Variants in CASK observed in about 807,000 individuals in gnomAD.
CASK encodes peripheral plasma membrane protein CASK.
CASK carries 4 observed loss-of-function variants against 82.9 expected under a neutral mutation model. The observed-to-expected ratio is 0.05, with a 90% confidence interval of 0.02 to 0.11. CASK has a LOEUF of 0.11. CASK is among the 10% of genes least tolerant of loss of function. CASK has a pLI of 1.00. For missense variants in CASK, 358 were observed against 720.9 expected, an observed-to-expected ratio of 0.50 and a Z score of 5.76; for synonymous variants, 259 against 253.5, an observed-to-expected ratio of 1.02 and a Z score of -0.20.
chrX:41,612,723 C>T (rs2066105254), intron 11 of CASK, among the ~76,000 whole-genome samples: 1 of 91,788 alleles, frequency 1.1e-5, no homozygotes, highest in African/African-American at 4.0e-5. Context: ...GCTCCCCGCC[C>T]GGCCAGCCAC....
intron 2 of CASK, among the ~76,000 whole-genome samples, chrX:41,824,600 C>T (rs764864598): frequency 5.4e-5 from 6 of 111,916 alleles, no homozygotes; most frequent in African/African-American, 1.3e-4. Context: ...TACAGCAGAG[C>T]GCTGCTGGCA....
At chrX:41,699,214 C>T (rs893486286) in intron 5 of CASK, among the ~76,000 whole-genome samples, 4 of 111,487 alleles carry the variant, frequency 3.6e-5, no homozygotes, top group Admixed American at 9.6e-5. Flanking sequence ...CATGAGCCAC[C>T]GCGCCCGGCC....
intron 21 of CASK, 85 bp downstream of exon 21, chrX:41,553,634 C>A: frequency 1.4e-6 from 1 of 733,982 alleles, no homozygotes; most frequent in South Asian, 2.3e-5. Flanking sequence ...AGGTTTTACA[C>A]TCTAAAATAA....
intron 2 of CASK, among the ~76,000 whole-genome samples, chrX:41,814,642 A>G (rs944235638): frequency 2.8e-5 from 3 of 108,693 alleles, no homozygotes; most frequent in Non-Finnish European, 5.7e-5. Context: ...CCTAATGTAA[A>G]TGACGAGTTA....
chrX:41,711,294 G>C (rs2067973889), intron 5 of CASK, among the ~76,000 whole-genome samples: 1 of 112,067 alleles, frequency 8.9e-6, no homozygotes, highest in East Asian at 2.8e-4. Context: ...GTTGGTTGGG[G>C]AGAAATCCCC....
rs191813828 is a variant in CASK, at chrX:41,854,125, A to G, written c.60-898T>C. Reference sequence around the variant, plus strand: ...TTTCTATGAGCACAGCCACTGGTCTAGCTATTTGCTGACCCAGACCTCACA... The same window carrying G: ...TTTCTATGAGCACAGCCACTGGTCTGGCTATTTGCTGACCCAGACCTCACA... On this transcript the variant is annotated intron_variant, in intron 1 of 26. Transcript: ENST00000378163. 8.1e-5 allele frequency among the ~76,000 whole-genome samples: 9 copies of G among 110,978 alleles called. No individual in the cohort carries two copies. In the East Asian group the frequency reaches 2.5e-3, roughly 31 times the overall value.
Position 41,671,435 on chromosome X carries a change from T to C in CASK, c.525A>G (p.Val175=), listed in dbSNP as rs755553171. ...VAIQLGESGL[V]AGGRVGTPHF... ...TTTTTAAAGCAGTCTTACCTCCAGCTACAAGTCCAGACTCCCCTAATTGAA... is the reference window on the plus strand; with the variant it reads ...TTTTTAAAGCAGTCTTACCTCCAGCCACAAGTCCAGACTCCCCTAATTGAA... The change falls in exon 6 of 27, where the codon GTA becomes GTG. Residue 175 remains valine (V), a synonymous_variant. Coordinates refer to ENST00000378163, the MANE Select transcript of CASK (RefSeq NM_001367721.1). 1.5e-5 allele frequency: 18 copies of C among 1,167,293 alleles called. No individual in the cohort carries two copies. The highest frequency in any genetic ancestry group is 2.2e-5 in the Admixed American group (1 of 45,849).
In CASK at chrX:41,520,525, G is replaced by C. The variant is rs765320580; in HGVS notation, c.2676C>G (p.Leu892=). 1 of 1,202,746 alleles carries C rather than the reference G, an allele frequency of 8.3e-7. No homozygotes were observed. The highest frequency in any genetic ancestry group is 1.8e-5 in the African/African-American group (1 of 56,963). ...LQRTYAHYFD[L]TIINNEIDET... ...CATCAATTTCATTGTTGATAATTGT[G>C]AGATCGAAGTAGTGTGCATATGTTC... Residue 892 remains leucine, a synonymous_variant, in exon 27 of 27, where the codon CTC becomes CTG. Coordinates refer to ENST00000378163, the MANE Select transcript of CASK (RefSeq NM_001367721.1).
At chrX:41,903,814 G>T (rs938674775) in intron 1 of CASK, among the ~76,000 whole-genome samples, 1 of 111,920 alleles carries the variant, frequency 8.9e-6, no homozygotes, top group Admixed American at 9.4e-5. Context: ...GCCACATGTA[G>T]CTACTGAGCA....
chrX:41,897,676 T>C (rs1314095087), intron 1 of CASK, among the ~76,000 whole-genome samples: 2 of 111,394 alleles, frequency 1.8e-5, no homozygotes, highest in Admixed American at 9.5e-5. Flanking sequence ...CATTTTCCCA[T>C]TGAAAAAAAC....
chrX:41,912,348 C>T (rs2072589840), intron 1 of CASK, among the ~76,000 whole-genome samples: 1 of 84,357 alleles, frequency 1.2e-5, no homozygotes, highest in African/African-American at 4.7e-5. Context: ...GCTCTTGTTG[C>T]CCCAGCTGGA....
At chrX:41,676,545 C>T in intron 5 of CASK, 1 of 1,051,424 alleles carries the variant, frequency 9.5e-7, no homozygotes. Context: ...GCGGCCTCGC[C>T]TGGGTCTACC....
At chrX:41,648,640 C>A (rs183102251) in intron 8 of CASK, among the ~76,000 whole-genome samples, 1 of 111,418 alleles carries the variant, frequency 9.0e-6, no homozygotes, top group Admixed American at 9.5e-5. Flanking sequence ...TGCCGGCCGA[C>A]GCTTAAGAAA....
chrX:41,696,882 A>C, intron 5 of CASK: 1 of 482,523 alleles, frequency 2.1e-6, no homozygotes, highest in Non-Finnish European at 3.3e-6. Flanking sequence ...TCAGATCTCA[A>C]AGCTCTGCTT....
chrX:41,796,805 T>C (rs1024314336), intron 2 of CASK, among the ~76,000 whole-genome samples: 1 of 111,886 alleles, frequency 8.9e-6, no homozygotes, highest in African/African-American at 3.2e-5. Context: ...GTCAAAACTA[T>C]CTTTCCCTTA....
intron 8 of CASK, among the ~76,000 whole-genome samples, chrX:41,652,357 G>A (rs1406446743): frequency 8.9e-6 from 1 of 111,917 alleles, no homozygotes; most frequent in East Asian, 2.8e-4. Context: ...AAAACTAGAT[G>A]AGCTCTCCAA....
chrX:41,829,804 T>C (rs1219176210), intron 2 of CASK, among the ~76,000 whole-genome samples: 9 of 77,530 alleles, frequency 1.2e-4, no homozygotes, highest in African/African-American at 4.1e-4. Flanking sequence ...GTGGTTAAAC[T>C]AATTTGCATC....
chrX:41,655,653 GT>G (rs763238306), intron 8 of CASK, among the ~76,000 whole-genome samples: 64 of 111,472 alleles, frequency 5.7e-4, no homozygotes, highest in African/African-American at 2.1e-3. Context: ...CTCTGGAACT[GT>G]GTGAGGAACT....
At chrX:41,660,105 G>C in intron 8 of CASK, 1 of 290,986 alleles carries the variant, frequency 3.4e-6, no homozygotes, top group Non-Finnish European at 6.0e-6. Flanking sequence ...CCAAAATAAA[G>C]ATAGTTAATT....
Sources: gnomAD v4.1 joint callset for allele counts (sites outside exome capture counted in the v4.1 genomes callset) on GRCh38, gnomAD v4.1.1 for gene constraint, MANE v1.5 for transcripts, NCBI Gene and HGNC (gene_info 2026-07-23, HGNC 2026-07-21) for gene names.